ERC1: variants seen among roughly 807,000 people sequenced by gnomAD.
The protein encoded by ERC1 is RAB6 interacting protein 2.
ERC1 carries 56 observed loss-of-function variants against 132.0 expected under a neutral mutation model. That is an observed-to-expected ratio of 0.42 (90% CI 0.34 to 0.53). ERC1 has a LOEUF of 0.53. Among genes scored for constraint, ERC1 ranks in the 20% least tolerant of loss-of-function variants. The pLI, the probability that ERC1 is intolerant of heterozygous loss-of-function variation, is 0.03. For missense variants in ERC1, 1,202 were observed against 1,349.9 expected (o/e 0.89, Z 1.72); for synonymous variants, 478 against 476.1 (o/e 1.00, Z -0.05).
intron 15 of ERC1, among the ~76,000 whole-genome samples, chr12:1,365,029 C>G (rs1360856108): frequency 1.3e-5 from 2 of 152,144 alleles, no homozygotes; most frequent in Admixed American, 1.3e-4. Flanking sequence ...CAAAACCTAC[C>G]TTAAAAATTT....
At chr12:1,012,537 ATC>A (rs1202849677) in intron 1 of ERC1, among the ~76,000 whole-genome samples, 1 of 132,254 alleles carries the variant, frequency 7.6e-6, no homozygotes, top group Non-Finnish European at 1.5e-5. Context: ...TTGTGGCGTG[ATC>A]TTGGCTCCCT....
intron 11 of ERC1, among the ~76,000 whole-genome samples, chr12:1,184,141 A>G (rs999262513): frequency 8.1e-6 from 1 of 122,864 alleles, no homozygotes; most frequent in Admixed American, 8.6e-5. Context: ...ATCTCACAAA[A>G]AAAAAAAAAA....
At chr12:1,302,650 T>G (rs2080493632) in intron 15 of ERC1, among the ~76,000 whole-genome samples, 1 of 152,114 alleles carries the variant, frequency 6.6e-6, no homozygotes, top group Admixed American at 6.5e-5. Context: ...TCACGCAAAT[T>G]TATTGGTTTC....
Position 1,027,806 on chromosome 12 carries a change from T to G in ERC1, c.-98T>G. ...GCTGGGGACCTTCTTCTGATTAACC[T>G]TAAACCAACTTGTAGCCATAGAGAC... On this transcript the variant is annotated 5_prime_UTR_variant, in exon 2 of 19. Transcript: ENST00000360905. 1 of 1,117,480 alleles carries G rather than the reference T, an allele frequency of 8.9e-7. No individual in the cohort carries two copies. Among genetic ancestry groups the G allele is most frequent in the South Asian group, 1.5e-5 (1 of 66,150 alleles). 69.2% of individuals were successfully genotyped at this position (1,117,480 alleles called of 1,614,324 possible). A position where few individuals can be genotyped will look rare whatever the true frequency, so the allele number is the denominator to read the frequency against.
intron 14 of ERC1, among the ~76,000 whole-genome samples, chr12:1,285,208 G>T (rs2078964497): frequency 6.6e-6 from 1 of 152,102 alleles, no homozygotes; most frequent in Non-Finnish European, 1.5e-5. Flanking sequence ...TGGCAAAAAG[G>T]TAAGAAATTC....
At chr12:1,180,727 A>T in intron 9 of ERC1, 50 bp downstream of exon 9, 1 of 1,606,954 alleles carries the variant, frequency 6.2e-7, no homozygotes, top group Non-Finnish European at 8.5e-7. Flanking sequence ...TTTCTCATTA[A>T]TCTAAGACTG....
chr12:992,529 A>G (rs1434810563), intron 1 of ERC1, among the ~76,000 whole-genome samples: 1 of 152,192 alleles, frequency 6.6e-6, no homozygotes, highest in African/African-American at 2.4e-5. Flanking sequence ...TTTAAAATGA[A>G]ATGGAACTCT....
chr12:1,003,420 G>GCTGACT (rs1962860268), intron 1 of ERC1, among the ~76,000 whole-genome samples: 1 of 152,146 alleles, frequency 6.6e-6, no homozygotes, highest in Admixed American at 6.5e-5. Flanking sequence ...AATTTTGAGT[G>GCTGACT]CTGACTCTGT....
At chr12:1,362,552 A>T (rs2086239543) in intron 15 of ERC1, among the ~76,000 whole-genome samples, 1 of 152,218 alleles carries the variant, frequency 6.6e-6, no homozygotes, top group Admixed American at 6.5e-5. Context: ...CACATTATTT[A>T]AATTTGGAAG....
chr12:1,438,406 G>C (rs1339373994), intron 17 of ERC1, among the ~76,000 whole-genome samples: 1 of 152,126 alleles, frequency 6.6e-6, no homozygotes, highest in East Asian at 1.9e-4. Flanking sequence ...TCTTAATGTA[G>C]TCTATGTTGA....
chr12:1,444,031 G>A (rs1236307528), intron 17 of ERC1: 1 of 152,502 alleles, frequency 6.6e-6, no homozygotes. Context: ...GACAGAATTC[G>A]TAATGAGTTC....
intron 8 of ERC1, among the ~76,000 whole-genome samples, chr12:1,142,288 T>G (rs913373463): frequency 6.6e-6 from 1 of 152,312 alleles, no homozygotes; most frequent in African/African-American, 2.4e-5. Context: ...TTCCCCTTTT[T>G]TCAGTTAATA....
chr12:1,058,121 C>T (rs942465356), intron 2 of ERC1, among the ~76,000 whole-genome samples: 1 of 152,032 alleles, frequency 6.6e-6, no homozygotes, highest in Non-Finnish European at 1.5e-5. Flanking sequence ...GATGTTTTCT[C>T]TCATTCTGCA....
chr12:1,293,775 T>C (rs2079685818), intron 15 of ERC1, among the ~76,000 whole-genome samples: 1 of 152,098 alleles, frequency 6.6e-6, no homozygotes, highest in Admixed American at 6.5e-5. Flanking sequence ...AAAATAAAAA[T>C]GAAAATGCAT....
intron 15 of ERC1, among the ~76,000 whole-genome samples, chr12:1,328,093 G>C (rs1450801488): frequency 2.0e-5 from 3 of 152,040 alleles, no homozygotes; most frequent in Non-Finnish European, 4.4e-5. Flanking sequence ...CCCTTTGCCA[G>C]TCCTTTTCTT....
At chr12:1,382,351 T>G (rs2088782286) in intron 16 of ERC1, among the ~76,000 whole-genome samples, 1 of 152,206 alleles carries the variant, frequency 6.6e-6, no homozygotes, top group African/African-American at 2.4e-5. Context: ...CCACATGGTG[T>G]TGTCTACAGA....
chr12:1,480,919 C>T (rs1565522731), intron 18 of ERC1: 3 of 702,354 alleles, frequency 4.3e-6, no homozygotes, highest in Non-Finnish European at 7.8e-6. Context: ...GCAGACGCCC[C>T]CAGACGTCCC....
chr12:1,222,380 C>A (rs1370994054), intron 12 of ERC1, among the ~76,000 whole-genome samples: 2 of 152,036 alleles, frequency 1.3e-5, no homozygotes, highest in Non-Finnish European at 2.9e-5. Context: ...CAGGTGCCAC[C>A]ATGCCCAGCT....
intron 3 of ERC1, among the ~76,000 whole-genome samples, chr12:1,095,324 G>A (rs1186547703): frequency 6.7e-6 from 1 of 150,062 alleles, no homozygotes; most frequent in African/African-American, 2.4e-5. Flanking sequence ...TAGCTATTTG[G>A]GAGGCTGAGG....
Sources: gnomAD v4.1 joint callset for allele counts (sites outside exome capture counted in the v4.1 genomes callset) on GRCh38, gnomAD v4.1.1 for gene constraint, MANE v1.5 for transcripts, NCBI Gene and HGNC (gene_info 2026-07-23, HGNC 2026-07-21) for gene names.